SPAG16: variants seen among roughly 807,000 people sequenced by gnomAD.
SPAG16 encodes sperm associated antigen 16, also known as sperm-associated antigen 16 protein.
SPAG16 carries 86 observed loss-of-function variants against 80.4 expected under a neutral mutation model. The observed-to-expected ratio is 1.07, with a 90% CI of 0.90 to 1.28. The LOEUF (loss-of-function observed/expected upper bound fraction) is 1.28, where lower values mean the gene tolerates loss of function less well. SPAG16 is among the 50% of genes most tolerant of loss of function. The pLI, the probability that SPAG16 is intolerant of heterozygous loss-of-function variation, is 0.00. For synonymous variants in SPAG16, 294 were observed against 265.9 expected (o/e 1.11, Z -1.03); for missense variants, 870 against 765.3 (o/e 1.14, Z -1.61).
intron 10 of SPAG16, among the ~76,000 whole-genome samples, chr2:213,809,313 G>T (rs1359349599): frequency 6.6e-6 from 1 of 152,142 alleles, no homozygotes; most frequent in African/African-American, 2.4e-5. Context: ...CCCTGGCTAA[G>T]AGAAGAAGTC....
chr2:213,908,771 C>CT (rs965534417), intron 11 of SPAG16, among the ~76,000 whole-genome samples: 4 of 148,926 alleles, frequency 2.7e-5, no homozygotes, highest in East Asian at 3.9e-4. Flanking sequence ...TTTTTTTTTC[C>CT]TTTTTTTAAT....
chr2:213,377,676 C>T (rs12472422), intron 9 of SPAG16, among the ~76,000 whole-genome samples: 9 of 151,924 alleles, frequency 5.9e-5, no homozygotes, highest in East Asian at 1.9e-4. Flanking sequence ...CTTACTTTTT[C>T]CCTTACTTTT....
At chr2:213,899,454 A>G (rs933496281) in intron 11 of SPAG16, among the ~76,000 whole-genome samples, 2 of 152,148 alleles carry the variant, frequency 1.3e-5, no homozygotes, top group African/African-American at 4.8e-5. Context: ...TGATAAAATT[A>G]TAAAATCAAT....
chr2:213,608,464 G>A (rs2125007239), intron 10 of SPAG16, among the ~76,000 whole-genome samples: 1 of 152,144 alleles, frequency 6.6e-6, no homozygotes, highest in African/African-American at 2.4e-5. Flanking sequence ...GAGAATGATG[G>A]TTTCCAGCTT....
At chr2:213,702,162 G>T (rs2065463290) in intron 10 of SPAG16, among the ~76,000 whole-genome samples, 1 of 152,194 alleles carries the variant, frequency 6.6e-6, no homozygotes, top group Non-Finnish European at 1.5e-5. Context: ...TCAGCTCTCT[G>T]TAAAACGGAC....
intron 15 of SPAG16, among the ~76,000 whole-genome samples, chr2:214,408,208 T>C (rs769561695): frequency 6.6e-6 from 1 of 152,212 alleles, no homozygotes; most frequent in Non-Finnish European, 1.5e-5. Context: ...TAAATATTTT[T>C]CTTTTTCTTT....
Position 213,731,884 on chromosome 2 carries a change from A to G in SPAG16, c.1071-130601A>G, listed in dbSNP as rs912120612. Among the ~76,000 whole-genome samples, 3 of 152,138 alleles carry G rather than the reference A, an allele frequency of 2.0e-5. No individual in the cohort carries two copies. The East Asian group carries it at 5.8e-4, about 29-fold the overall frequency. On this transcript the variant is annotated intron_variant, in intron 10 of 15. Coordinates refer to ENST00000331683, the MANE Select transcript of SPAG16 (RefSeq NM_024532.5). ...ATGGTTGTCTTTTCACTCCGTTGGT[A>G]GTTTATTTTGCTATGCAGGAGCTCT... is the stretch of plus-strand genomic sequence containing the variant.
intron 15 of SPAG16, among the ~76,000 whole-genome samples, chr2:214,227,821 C>A (rs1055335301): frequency 1.3e-5 from 2 of 149,926 alleles, no homozygotes; most frequent in Non-Finnish European, 3.0e-5. Flanking sequence ...TATTATTGTA[C>A]CTAGAGTAGG....
At chr2:214,025,053 C>T (rs2048061948) in intron 13 of SPAG16, among the ~76,000 whole-genome samples, 1 of 151,486 alleles carries the variant, frequency 6.6e-6, no homozygotes, top group South Asian at 2.1e-4. Context: ...TAAAATTCAG[C>T]ATTCTCTTTT....
chr2:214,119,147 CAGAT>C (rs954337251), intron 14 of SPAG16, among the ~76,000 whole-genome samples: 22 of 152,162 alleles, frequency 1.4e-4, no homozygotes, highest in African/African-American at 5.1e-4. Context: ...TTCACAGAAA[CAGAT>C]AGGCAATAAA....
Position 213,603,892 on chromosome 2 carries a change from C to T in SPAG16, c.1070+113802C>T, listed in dbSNP as rs144180039. 2.5e-3 allele frequency among the ~76,000 whole-genome samples: 377 copies of T among 151,356 alleles called. 2 individuals are homozygous for T. Among genetic ancestry groups the T allele is most frequent in the African/African-American group, 8.4e-3 (347 of 41,250 alleles). The stretch of plus-strand genomic sequence containing the variant: ...TATTAACCACTTTCTTTTCTCTTTC[C>T]GTATTATCCATCTCTTACCCAAAGA... On this transcript the variant is annotated intron_variant, in intron 10 of 15. Coordinates refer to ENST00000331683, the MANE Select transcript of SPAG16 (RefSeq NM_024532.5).
At chr2:213,976,117 T>TAG (rs1266019390) in intron 12 of SPAG16, among the ~76,000 whole-genome samples, 31 of 97,178 alleles carry the variant, frequency 3.2e-4, no homozygotes, top group South Asian at 6.4e-4. Flanking sequence ...GAGATATATA[T>TAG]ATATATATAT....
intron 9 of SPAG16, among the ~76,000 whole-genome samples, chr2:213,423,174 A>G (rs1266483252): frequency 6.6e-6 from 1 of 152,184 alleles, no homozygotes; most frequent in Admixed American, 6.5e-5. Flanking sequence ...TTATTTTATG[A>G]TAGATTTTGA....
chr2:213,370,479 G>T (rs1054301318), intron 8 of SPAG16, among the ~76,000 whole-genome samples: 2 of 152,044 alleles, frequency 1.3e-5, no homozygotes, highest in African/African-American at 2.4e-5. Context: ...AAGATAAGAA[G>T]AATGTAATCA....
chr2:213,584,863 A>C (rs541710441), intron 10 of SPAG16, among the ~76,000 whole-genome samples: 2 of 152,236 alleles, frequency 1.3e-5, no homozygotes, highest in African/African-American at 4.8e-5. Context: ...TGGAGGAAGC[A>C]TGGCTAAAAT....
At chr2:213,888,075 G>C (rs761237883) in intron 11 of SPAG16, among the ~76,000 whole-genome samples, 1 of 151,888 alleles carries the variant, frequency 6.6e-6, no homozygotes, top group Non-Finnish European at 1.5e-5. Context: ...ATTCTGGAAA[G>C]ATACAACAGT....
intron 12 of SPAG16, among the ~76,000 whole-genome samples, chr2:213,982,356 A>C (rs2045791951): frequency 6.6e-6 from 1 of 151,796 alleles, no homozygotes; most frequent in Admixed American, 6.6e-5. Flanking sequence ...CAACTGTTTA[A>C]TATGTTTAAT....
intron 10 of SPAG16, among the ~76,000 whole-genome samples, chr2:213,551,571 C>T (rs576357939): frequency 1.1e-4 from 16 of 152,202 alleles, no homozygotes; most frequent in Non-Finnish European, 2.4e-4. Flanking sequence ...AAAATCTGTG[C>T]AGGTTTCTAT....
intron 15 of SPAG16, among the ~76,000 whole-genome samples, chr2:214,330,477 T>G (rs747518431): frequency 6.6e-6 from 1 of 151,798 alleles, no homozygotes; most frequent in Non-Finnish European, 1.5e-5. Flanking sequence ...CATCCAGGAG[T>G]CTTATTAGAA....
Sources: gnomAD v4.1 joint callset for allele counts (sites outside exome capture counted in the v4.1 genomes callset) on GRCh38, gnomAD v4.1.1 for gene constraint, MANE v1.5 for transcripts, NCBI Gene and HGNC (gene_info 2026-07-23, HGNC 2026-07-21) for gene names.